NIPAL2: variants seen among roughly 807,000 people sequenced by gnomAD.
NIPAL2 encodes NIPA like domain containing 2.
Under a neutral mutation model 48.9 loss-of-function variants are expected in NIPAL2, and 43 were observed. That is an observed-to-expected ratio of 0.88 (90% CI 0.69 to 1.13). The LOEUF is 1.13. NIPAL2 is among the 50% of genes most tolerant of loss of function. The pLI, the probability that NIPAL2 is intolerant of heterozygous loss-of-function variation, is 0.00. For missense variants in NIPAL2, 446 were observed against 461.4 expected, an observed-to-expected ratio of 0.97 and a Z score of 0.31; for synonymous variants, 167 against 174.6, an observed-to-expected ratio of 0.96 and a Z score of 0.34.
chr8:98,262,428 A>G (rs1253663649), intron 1 of NIPAL2, among the ~76,000 whole-genome samples: 1 of 150,868 alleles, frequency 6.6e-6, no homozygotes, highest in Non-Finnish European at 1.5e-5. Context: ...AAAAGGATGG[A>G]GGAAGATCTA....
chr8:98,194,938 G>C (rs1810476024), intron 9 of NIPAL2, 116 bp from the exon 10 acceptor site: 1 of 539,976 alleles, frequency 1.9e-6, no homozygotes, highest in Admixed American at 4.1e-5. Flanking sequence ...TGTTCTTCCA[G>C]TTTCTCATGG....
At chr8:98,194,261 C>T (rs926092831) in intron 10 of NIPAL2, among the ~76,000 whole-genome samples, 6 of 152,046 alleles carry the variant, frequency 3.9e-5, no homozygotes, top group African/African-American at 9.6e-5. Flanking sequence ...TCTGGGTAGG[C>T]GGGGTGAGGA....
intron 6 of NIPAL2, among the ~76,000 whole-genome samples, chr8:98,211,728 G>A (rs1473483849): frequency 1.6e-5 from 2 of 126,942 alleles, no homozygotes; most frequent in Non-Finnish European, 3.3e-5. Context: ...GAGAGAGAGA[G>A]AGAAAGTGTG....
chr8:98,201,169 C>T (rs117415860), intron 8 of NIPAL2, among the ~76,000 whole-genome samples: 1,796 of 152,194 alleles, frequency 0.012, 13 homozygotes, highest in Non-Finnish European at 0.017. Context: ...AGGCAAAATA[C>T]GGTCTCATCT....
At chr8:98,262,916 A>G (rs1489443705) in intron 1 of NIPAL2, among the ~76,000 whole-genome samples, 1 of 151,890 alleles carries the variant, frequency 6.6e-6, no homozygotes, top group African/African-American at 2.4e-5. Context: ...AACAGAAATT[A>G]TAACAAACTA....
rs371936351 is a variant in NIPAL2 at position 98,224,755 on chromosome 8, CT to C, written c.437-2156del. The stretch of plus-strand genomic sequence containing the variant: ...CAGTTATACTTTCTTTCTTTCTTTT[CT>C]TTTTTTTTTTTTTTTTTGTTGAAAC... On this transcript the variant is annotated intron_variant, in intron 4 of 10. Coordinates refer to ENST00000430223, the MANE Select transcript of NIPAL2 (RefSeq NM_001321635.2). Among the ~76,000 whole-genome samples, 158 of 123,752 alleles carry C rather than the reference CT, an allele frequency of 1.3e-3. 1 individual carries two copies. The highest frequency in any genetic ancestry group is 3.8e-3 in the African/African-American group (132 of 34,410). The allele number at this position is 123,752 out of a possible 152,430, so 81.2% of individuals were successfully genotyped here. A position where few individuals can be genotyped will look rare whatever the true frequency, so the allele number is the denominator to read the frequency against.
intron 1 of NIPAL2, among the ~76,000 whole-genome samples, chr8:98,266,371 A>G (rs1814740426): frequency 1.3e-5 from 2 of 151,848 alleles, no homozygotes; most frequent in African/African-American, 2.4e-5. Context: ...GGAGGCTGAG[A>G]TGGGCGGATT....
chr8:98,294,182 G>A lies in NIPAL2; in HGVS notation c.-45C>T. Reference sequence around the variant, plus strand: ...TCGGGCTCCGGCTCGGGCTGCGGCCGCCTCCCCGCCCTGTTGCACCGCGAG... The same window carrying A: ...TCGGGCTCCGGCTCGGGCTGCGGCCACCTCCCCGCCCTGTTGCACCGCGAG... On this transcript the variant is annotated 5_prime_UTR_variant, in exon 1 of 11. Coordinates refer to ENST00000430223, the MANE Select transcript of NIPAL2 (RefSeq NM_001321635.2). 5 of 1,307,854 alleles carry A rather than the reference G, an allele frequency of 3.8e-6. No homozygotes were observed. Among genetic ancestry groups the A allele is most frequent in the Non-Finnish European group, 3.9e-6 (4 of 1,030,514 alleles). 81.0% of individuals were successfully genotyped at this position (1,307,854 alleles called of 1,614,324 possible). A position where few individuals can be genotyped will look rare whatever the true frequency, so the allele number is the denominator to read the frequency against.
Position 98,213,061 on chromosome 8 carries a change from A to T in NIPAL2, c.559-560T>A, listed in dbSNP as rs1439974987. On this transcript the variant is annotated intron_variant, in intron 5 of 10. Coordinates refer to ENST00000430223, the MANE Select transcript of NIPAL2 (RefSeq NM_001321635.2). ...CACAATTTGGATAATGAAATATTTT[A>T]TTCATAGAGAACATATATGATGCAC... Among the ~76,000 whole-genome samples the T allele has an allele frequency of 5.3e-5, 8 of 152,218 alleles. No homozygotes were observed. The South Asian group carries it at 6.2e-4, about 12-fold the overall frequency.
intron 3 of NIPAL2, among the ~76,000 whole-genome samples, chr8:98,246,360 G>T (rs1813306811): frequency 6.6e-6 from 1 of 152,180 alleles, no homozygotes; most frequent in Non-Finnish European, 1.5e-5. Context: ...GAAAATTAGA[G>T]ATGGAAAAGA....
intron 8 of NIPAL2, among the ~76,000 whole-genome samples, chr8:98,201,297 C>T (rs561311847): frequency 4.6e-5 from 7 of 152,272 alleles, no homozygotes; most frequent in African/African-American, 1.7e-4. Context: ...AAGGTCTTGC[C>T]ATCCCACCGA....
rs368626768 is a variant in NIPAL2 at position 98,243,769 on chromosome 8, C to T, written c.377-7555G>A. On this transcript the variant is annotated intron_variant, in intron 3 of 10. Coordinates refer to ENST00000430223, the MANE Select transcript of NIPAL2 (RefSeq NM_001321635.2). ...CTCTGTTAGCAATTTAGCTCAAGGGCAGATTTTTACATGTCAGTTTAGAAC... is the reference window on the plus strand; with the variant it reads ...CTCTGTTAGCAATTTAGCTCAAGGGTAGATTTTTACATGTCAGTTTAGAAC... Among the ~76,000 whole-genome samples, 44 of 151,116 alleles carry T rather than the reference C, an allele frequency of 2.9e-4. No homozygotes were observed. In the Middle Eastern group the frequency reaches 0.014, roughly 47 times the overall value.
chr8:98,200,495 G>GTA lies in NIPAL2; in HGVS notation c.880+2611_880+2612dup, dbSNP rs1484949446. Among the ~76,000 whole-genome samples, 13 of 152,088 alleles carry GTA rather than the reference G, an allele frequency of 8.5e-5. No homozygotes were observed. The South Asian group carries it at 1.5e-3, about 17-fold the overall frequency. On this transcript the variant is annotated intron_variant, in intron 8 of 10. Coordinates refer to ENST00000430223, the MANE Select transcript of NIPAL2 (RefSeq NM_001321635.2). The stretch of plus-strand genomic sequence containing the variant: ...TTTTAAAAGCTGAATATATTCCATT[G>GTA]TATATATATACCACATTTTGTTTAT...
intron 5 of NIPAL2, among the ~76,000 whole-genome samples, chr8:98,215,391 A>T (rs186193777): frequency 3.3e-4 from 50 of 152,314 alleles, no homozygotes; most frequent in African/African-American, 1.2e-3. Flanking sequence ...CCCTGAAAAC[A>T]TCAATATTAA....
intron 9 of NIPAL2, chr8:98,195,673 CT>C (rs1810508017): frequency 3.0e-6 from 1 of 331,842 alleles, no homozygotes. Flanking sequence ...CGTGCAGTAA[CT>C]ACAAGGGCCA....
chr8:98,226,624 G>C lies in NIPAL2; in HGVS notation c.437-4024C>G, dbSNP rs574112207. 2.9e-3 allele frequency among the ~76,000 whole-genome samples: 446 copies of C among 151,724 alleles called. 3 individuals are homozygous for C. Among genetic ancestry groups the C allele is most frequent in the South Asian group, 9.6e-3 (46 of 4,784 alleles). The stretch of plus-strand genomic sequence containing the variant: ...CCTCTCTTTCTCTCTCTCTCTCTCT[G>C]TCCTGAATTGCCTGGAGTTGGGGGC... On this transcript the variant is annotated intron_variant, in intron 4 of 10. Coordinates refer to ENST00000430223, the MANE Select transcript of NIPAL2 (RefSeq NM_001321635.2).
At chr8:98,258,306 A>G (rs1467029224) in intron 1 of NIPAL2, among the ~76,000 whole-genome samples, 1 of 152,210 alleles carries the variant, frequency 6.6e-6, no homozygotes, top group Non-Finnish European at 1.5e-5. Flanking sequence ...GGTGGATATG[A>G]TGACAGCTGT....
intron 8 of NIPAL2, among the ~76,000 whole-genome samples, chr8:98,199,936 A>G (rs1810726553): frequency 6.6e-6 from 1 of 151,872 alleles, no homozygotes; most frequent in Admixed American, 6.6e-5. Flanking sequence ...CTCCAAGAAA[A>G]TCTTTATTTA....
rs184917331 is a variant in NIPAL2 at position 98,191,931 on chromosome 8, C to T, written c.*1047G>A. The T allele has an allele frequency of 5.2e-4, 79 of 152,246 alleles. No homozygotes were observed. Among genetic ancestry groups the T allele is most frequent in the African/African-American group, 1.8e-3 (76 of 41,548 alleles). 9.4% of individuals were successfully genotyped at this position (152,246 alleles called of 1,614,324 possible). A position where few individuals can be genotyped will look rare whatever the true frequency, so the allele number is the denominator to read the frequency against. On this transcript the variant is annotated 3_prime_UTR_variant, in exon 11 of 11. Coordinates refer to ENST00000430223, the MANE Select transcript of NIPAL2 (RefSeq NM_001321635.2). ...CTGAAATTCAGTTCTCTAATCACAA[C>T]TCTCCTTTTATCTAGAAGAATTTAC... is the stretch of plus-strand genomic sequence containing the variant.
Sources: allele counts gnomAD v4.1 joint callset (sites outside exome capture counted in the v4.1 genomes callset), GRCh38; gene constraint gnomAD v4.1.1; transcripts MANE v1.5; gene names NCBI Gene and HGNC (gene_info 2026-07-23, HGNC 2026-07-21).